The following ETFA variants were observed in gnomAD, a reference collection of about 807,000 sequenced individuals.
ETFA encodes electron transfer flavoprotein subunit alpha, mitochondrial.
In ETFA, 22 loss-of-function variants were observed where a neutral mutation model predicts 46.2. The ratio of observed to expected loss-of-function variants is 0.48; its 90% confidence interval spans 0.34 to 0.68. The LOEUF is 0.68. Ranked by LOEUF, ETFA falls within the 30% of genes least tolerant of loss-of-function variation. The pLI is 0.01. For synonymous variants in ETFA, 131 were observed against 139.9 expected, an observed-to-expected ratio of 0.94 and a Z score of 0.45; for missense variants, 345 against 401.1, an observed-to-expected ratio of 0.86 and a Z score of 1.19.
At chr15:76,217,868 C>T (rs375425225) in intron 11 of ETFA, among the ~76,000 whole-genome samples, 2 of 152,220 alleles carry the variant, frequency 1.3e-5, no homozygotes, top group African/African-American at 2.4e-5. Flanking sequence ...ATAATGTGTT[C>T]GTACAAAATT....
chr15:76,243,820 C>CA (rs150900759), intron 9 of ETFA, among the ~76,000 whole-genome samples: 10,862 of 117,794 alleles, frequency 0.092, 456 homozygotes, highest in Middle Eastern at 0.18. Context: ...AACAAACAAA[C>CA]AAAAAAAAAA....
At chr15:76,310,369 G>GAAAAAAAACAAAAAAA (rs2039983607) in intron 1 of ETFA, among the ~76,000 whole-genome samples, 1 of 104,462 alleles carries the variant, frequency 9.6e-6, no homozygotes, top group Admixed American at 1.1e-4. Context: ...TCCATGCCCA[G>GAAAAAAAACAAAAAAA]AAAAAAAAAA....
intron 1 of ETFA, among the ~76,000 whole-genome samples, chr15:76,305,908 T>C (rs2039935068): frequency 6.6e-6 from 1 of 150,642 alleles, no homozygotes; most frequent in Non-Finnish European, 1.5e-5. Flanking sequence ...TGAGACTGGG[T>C]CTTGCTTGCT....
intron 9 of ETFA, 33 bp from the exon 10 acceptor site, chr15:76,231,431 AT>A: frequency 7.8e-7 from 1 of 1,284,922 alleles, no homozygotes; most frequent in Non-Finnish European, 1.1e-6. Context: ...ATTAATATGT[AT>A]TTATATTATA....
chr15:76,216,672 C>T lies in ETFA; in HGVS notation c.964-75G>A, dbSNP rs982587908. 10 of 957,994 alleles carry T rather than the reference C, an allele frequency of 1.0e-5. No homozygotes were observed. The African/African-American group carries it at 1.4e-4, about 14-fold the overall frequency. 59.3% of individuals were successfully genotyped at this position (957,994 alleles called of 1,614,324 possible). A position where few individuals can be genotyped will look rare whatever the true frequency, so the allele number is the denominator to read the frequency against. ...TATGGTCACAGCTCCGTAAGCATTA[C>T]AGGGAGGCCAAAAGAAACAACACAA... is the stretch of plus-strand genomic sequence containing the variant. On this transcript the variant is annotated intron_variant, in intron 11 of 11. Coordinates refer to ENST00000557943, the MANE Select transcript of ETFA (RefSeq NM_000126.4).
chr15:76,307,947 T>C (rs948992960), intron 1 of ETFA, among the ~76,000 whole-genome samples: 4 of 152,216 alleles, frequency 2.6e-5, no homozygotes, highest in Non-Finnish European at 5.9e-5. Context: ...ACATTTTTTT[T>C]TTAATTTCAA....
In ETFA at chr15:76,274,431, G is replaced by A. The variant is rs119458970; in HGVS notation, c.797C>T (p.Thr266Met). Reference protein sequence around the residue: ...FVPNDMQVGQTGKIVAPELYI... With the variant: ...FVPNDMQVGQMGKIVAPELYI... ...ACTTACTGGTGCTACTATTTTTCCC[G>A]TCTGTCCAACTTGCATGTCATTGGG... Residue 266 changes from threonine to methionine, a missense_variant, in exon 9 of 12, where the codon ACG (threonine) becomes ATG (methionine). Coordinates refer to ENST00000557943, the MANE Select transcript of ETFA (RefSeq NM_000126.4). The A allele has an allele frequency of 6.2e-5, 100 of 1,611,018 alleles. No homozygotes were observed. The highest frequency in any genetic ancestry group is 7.8e-5 in the Non-Finnish European group (92 of 1,178,324).
At chr15:76,222,723 G>C (rs1163412683) in intron 11 of ETFA, among the ~76,000 whole-genome samples, 2 of 152,154 alleles carry the variant, frequency 1.3e-5, no homozygotes, top group Admixed American at 1.3e-4. Context: ...ACATCTCTCT[G>C]GGACAGGCAA....
In ETFA at chr15:76,259,272, A is replaced by G. The variant is rs2039377006; in HGVS notation, c.816+15140T>C. The G allele has an allele frequency of 3.2e-6, 5 of 1,569,024 alleles. 1 individual carries two copies. In the South Asian group the frequency reaches 5.5e-5, roughly 17 times the overall value. On this transcript the variant is annotated intron_variant, in intron 9 of 11. Transcript: ENST00000557943. The stretch of plus-strand genomic sequence containing the variant: ...GTATAAGGGGTCCTGGCTGGCGGAT[A>G]GCACAGACAGCTGGCCCAGAATGTT...
intron 9 of ETFA, among the ~76,000 whole-genome samples, chr15:76,271,914 T>TACAC (rs3866542): frequency 7.4e-5 from 11 of 148,710 alleles, no homozygotes; most frequent in African/African-American, 1.7e-4. Flanking sequence ...TGTGTGTATA[T>TACAC]ACACACACAC....
chr15:76,287,833 C>T lies in ETFA; in HGVS notation c.451+13G>A, dbSNP rs2039717033. On this transcript the variant is annotated intron_variant, in intron 5 of 11. Coordinates refer to ENST00000557943, the MANE Select transcript of ETFA (RefSeq NM_000126.4). Reference sequence around the variant, plus strand: ...TTTAACATGTTGATTAATTATCTTCCTTGAGTACTCACCTGCATAAATAGT... The same window carrying T: ...TTTAACATGTTGATTAATTATCTTCTTTGAGTACTCACCTGCATAAATAGT... 1 of 1,520,924 alleles carries T rather than the reference C, an allele frequency of 6.6e-7. No homozygotes were observed. The allele number at this position is 1,520,924 out of a possible 1,614,324, so 94.2% of individuals were successfully genotyped here.
At chr15:76,278,659 T>G (rs1021246127) in intron 8 of ETFA, among the ~76,000 whole-genome samples, 1 of 152,246 alleles carries the variant, frequency 6.6e-6, no homozygotes, top group African/African-American at 2.4e-5. Context: ...TCCTAAACTA[T>G]AATTTCATAT....
intron 8 of ETFA, among the ~76,000 whole-genome samples, chr15:76,281,751 G>T (rs1202589276): frequency 6.6e-6 from 1 of 151,846 alleles, no homozygotes; most frequent in Non-Finnish European, 1.5e-5. Context: ...GCAAGAAAAT[G>T]GCCCCTCCAA....
At chr15:76,263,943 G>A (rs985784894) in intron 9 of ETFA, among the ~76,000 whole-genome samples, 4 of 152,196 alleles carry the variant, frequency 2.6e-5, no homozygotes, top group African/African-American at 9.7e-5. Flanking sequence ...CTTACTGGGT[G>A]AGAAAATGAA....
At chr15:76,253,663 T>C (rs2039322449) in intron 9 of ETFA, among the ~76,000 whole-genome samples, 1 of 152,200 alleles carries the variant, frequency 6.6e-6, no homozygotes, top group South Asian at 2.1e-4. Context: ...TACTGAATTA[T>C]TCCTAGACAA....
At chr15:76,287,027 T>C (rs1453105741) in intron 5 of ETFA, among the ~76,000 whole-genome samples, 1 of 151,758 alleles carries the variant, frequency 6.6e-6, no homozygotes, top group Non-Finnish European at 1.5e-5. Context: ...AGATGAAAAG[T>C]CTAATTTCAG....
At chr15:76,249,653 A>C (rs2039279112) in intron 9 of ETFA, among the ~76,000 whole-genome samples, 1 of 149,552 alleles carries the variant, frequency 6.7e-6, no homozygotes, top group Non-Finnish European at 1.5e-5. Flanking sequence ...GTGTTAGCCA[A>C]GATGGTCTCA....
At chr15:76,279,899 T>C (rs74366255) in intron 8 of ETFA, among the ~76,000 whole-genome samples, 3 of 151,536 alleles carry the variant, frequency 2.0e-5, no homozygotes, top group Admixed American at 6.6e-5. Context: ...TTTTTTTTTT[T>C]CCTTAAGAGA....
intron 10 of ETFA, chr15:76,227,778 A>G (rs1567196492): frequency 2.2e-6 from 1 of 455,684 alleles, no homozygotes. Context: ...ATGTAGCCTG[A>G]CTTAAAATAC....
Sources: gnomAD v4.1 joint callset for allele counts (sites outside exome capture counted in the v4.1 genomes callset) on GRCh38, gnomAD v4.1.1 for gene constraint, MANE v1.5 for transcripts, NCBI Gene and HGNC (gene_info 2026-07-23, HGNC 2026-07-21) for gene names.